Variants in HP1BP3 observed in about 807,000 individuals in gnomAD.
HP1BP3 encodes the protein heterochromatin protein 1 binding protein 3.
In HP1BP3, 12 loss-of-function variants were observed where a neutral mutation model predicts 62.5. The observed-to-expected ratio is 0.19, with a 90% CI of 0.12 to 0.31. The LOEUF is 0.31. Among genes scored for constraint, HP1BP3 ranks in the 10% least tolerant of loss-of-function variants. The pLI, the probability that HP1BP3 is intolerant of heterozygous loss-of-function variation, is 1.00. For missense variants in HP1BP3, 502 were observed against 651.8 expected (o/e 0.77, Z 2.50); for synonymous variants, 260 against 237.8 (o/e 1.09, Z -0.86).
rs1475162985 is a variant in HP1BP3 at position 20,767,583 on chromosome 1, CCTTT to C, written c.732_735del (p.Lys245IlefsTer12). ...CTCAAACTGTGGTATAGATGTCTTA[CCTTT>C]CTGTTTCTGGATTTCTGAGGTGTTT... On this transcript the variant is annotated frameshift_variant and splice_region_variant, in exon 7 of 13. Transcript: ENST00000438032. LOFTEE classifies it high-confidence loss of function. 1 of 1,598,146 alleles carries C rather than the reference CCTTT, an allele frequency of 6.3e-7. No homozygotes were observed. The highest frequency in any genetic ancestry group is 8.6e-7 in the Non-Finnish European group (1 of 1,168,192).
intron 10 of HP1BP3, among the ~76,000 whole-genome samples, chr1:20,747,923 C>T (rs2055443008): frequency 6.6e-6 from 1 of 152,086 alleles, no homozygotes; most frequent in African/African-American, 2.4e-5. Context: ...CACTATGTTG[C>T]CCAGGCTGGT....
chr1:20,771,072 G>A lies in HP1BP3; in HGVS notation c.512C>T (p.Ala171Val). ...MDAILTEAIK[A>V]CFQKSGASVV... ...TGATGCACCACTCTTCTGGAAGCAT[G>A]CCTAGAAAAGATTTATTAAACTAGT... The change falls in exon 6 of 13, where the codon GCA becomes GTA. Residue 171 changes from alanine (A) to valine (V), a missense_variant and splice_region_variant. Physicochemically the swap from Ala to Val is moderately conservative, Grantham distance 64. Around this residue, in one of 5 missense-constraint regions of HP1BP3, gnomAD observed 111 missense variants for 242.0 expected, o/e 0.46. Transcript: ENST00000438032. 6.3e-7 allele frequency: 1 copy of A among 1,592,146 alleles called. No homozygotes were observed. The highest frequency in any genetic ancestry group is 8.5e-7 in the Non-Finnish European group (1 of 1,172,466).
At chr1:20,782,680 T>C (rs2057617626) in intron 1 of HP1BP3, among the ~76,000 whole-genome samples, 1 of 151,050 alleles carries the variant, frequency 6.6e-6, no homozygotes, top group South Asian at 2.1e-4. Context: ...GGCGGATAGA[T>C]CACAAGGTCA....
At position 20,772,762 on chromosome 1, in the gene HP1BP3, A is replaced by C. The variant is rs186593577; in HGVS notation, c.510+689T>G. 5.9e-5 allele frequency among the ~76,000 whole-genome samples: 9 copies of C among 152,348 alleles called. No individual in the cohort carries two copies. The East Asian group carries it at 1.7e-3, about 29-fold the overall frequency. On this transcript the variant is annotated intron_variant, in intron 5 of 12. Transcript: ENST00000438032. ...CTCTTATCATCTGATCATATGAACT[A>C]AACAAGGCAAAATTAAATGAAAAGA... is the stretch of plus-strand genomic sequence containing the variant.
chr1:20,775,851 T>G, intron 4 of HP1BP3: 3 of 1,120,824 alleles, frequency 2.7e-6, no homozygotes, highest in Non-Finnish European at 3.7e-6. Flanking sequence ...TTTGTGTAAG[T>G]ACACTTTATG....
chr1:20,776,535 C>G (rs1026735745), intron 4 of HP1BP3, 62 bp downstream of exon 4: 15 of 1,415,332 alleles, frequency 1.1e-5, no homozygotes, highest in Middle Eastern at 2.2e-4. Flanking sequence ...TTAAAACAAT[C>G]TAATCTAAAG....
chr1:20,770,418 C>T (rs774209126), intron 6 of HP1BP3, among the ~76,000 whole-genome samples: 6 of 152,162 alleles, frequency 3.9e-5, no homozygotes, highest in African/African-American at 9.7e-5. Context: ...CAGGCTCAAG[C>T]GGTCCTCCTG....
In HP1BP3 at chr1:20,740,310, A is replaced by T. The variant is rs1256901305; in HGVS notation, c.*4487T>A. On this transcript the variant is annotated 3_prime_UTR_variant, in exon 13 of 13. Coordinates refer to ENST00000438032, the MANE Select transcript of HP1BP3 (RefSeq NM_001372052.1). ...GATTTAATAGTGAACAGTGTTAATT[A>T]TACATTATATACAATATCAGGAAAA... 6.6e-6 allele frequency among the ~76,000 whole-genome samples: 1 copy of T among 152,178 alleles called. No individual in the cohort carries two copies. The highest frequency in any genetic ancestry group is 1.5e-5 in the Non-Finnish European group (1 of 68,034).
intron 8 of HP1BP3, 38 bp downstream of exon 8, chr1:20,765,339 A>G (rs748457664): frequency 6.9e-7 from 1 of 1,441,506 alleles, no homozygotes; most frequent in Non-Finnish European, 9.4e-7. Context: ...AAAGGAAGTA[A>G]CACATCATGT....
chr1:20,767,369 T>G (rs1351291558), intron 7 of HP1BP3, among the ~76,000 whole-genome samples: 3 of 152,200 alleles, frequency 2.0e-5, no homozygotes, highest in Admixed American at 6.5e-5. Flanking sequence ...TATAAGGCAC[T>G]TAAGAGCACA....
In HP1BP3 at chr1:20,740,422, A is replaced by G. The variant is rs891165634; in HGVS notation, c.*4375T>C. Among the ~76,000 whole-genome samples, 3 of 152,204 alleles carry G rather than the reference A, an allele frequency of 2.0e-5. No individual in the cohort carries two copies. The highest frequency in any genetic ancestry group is 7.2e-5 in the African/African-American group (3 of 41,456). On this transcript the variant is annotated 3_prime_UTR_variant, in exon 13 of 13. Transcript: ENST00000438032. Reference sequence around the variant, plus strand: ...AGTGGTTGACAAGACAGAATTAAGAACAGTTAAAACAGTTAAAAAGCTGAT... The same window carrying G: ...AGTGGTTGACAAGACAGAATTAAGAGCAGTTAAAACAGTTAAAAAGCTGAT...
intron 4 of HP1BP3, 49 bp from the exon 5 acceptor site, chr1:20,773,659 C>A: frequency 3.1e-6 from 4 of 1,287,108 alleles, no homozygotes; most frequent in Non-Finnish European, 2.1e-6. Flanking sequence ...TCTAGAAAGA[C>A]GTATAAAGTC....
chr1:20,751,124 C>CAA (rs1381564469), intron 9 of HP1BP3, among the ~76,000 whole-genome samples: 1 of 151,962 alleles, frequency 6.6e-6, no homozygotes, highest in Non-Finnish European at 1.5e-5. Context: ...GCCATTATTT[C>CAA]CTCTTTCTTA....
chr1:20,747,828 T>C (rs1317107489), intron 10 of HP1BP3, among the ~76,000 whole-genome samples, 173 bp from the exon 11 acceptor site: 1 of 152,202 alleles, frequency 6.6e-6, no homozygotes, highest in Non-Finnish European at 1.5e-5. Flanking sequence ...TTATTGCCCA[T>C]AAGTTTGGCA....
chr1:20,768,735 G>C (rs541070386), intron 6 of HP1BP3, among the ~76,000 whole-genome samples: 1 of 152,238 alleles, frequency 6.6e-6, no homozygotes, highest in East Asian at 1.9e-4. Flanking sequence ...AGCTACTCAG[G>C]AGACTAAGGC....
At chr1:20,764,716 A>G (rs920149914) in intron 8 of HP1BP3, among the ~76,000 whole-genome samples, 7 of 151,464 alleles carry the variant, frequency 4.6e-5, no homozygotes, top group African/African-American at 1.4e-4. Context: ...AAACCACACA[A>G]AAAACAAAAC....
intron 2 of HP1BP3, 129 bp downstream of exon 2, chr1:20,780,216 G>T: frequency 1.5e-6 from 1 of 685,946 alleles, no homozygotes; most frequent in Non-Finnish European, 2.6e-6. Context: ...AAAAGAATCT[G>T]ATTTTGTTTC....
At position 20,742,510 on chromosome 1, in the gene HP1BP3, G is replaced by A. The variant is rs541629126; in HGVS notation, c.*2287C>T. ...AGCATTCAATGTATCTGGAAACATC[G>A]TTTACCCTCTATAAGAATTCCAAAA... On this transcript the variant is annotated 3_prime_UTR_variant, in exon 13 of 13. Coordinates refer to ENST00000438032, the MANE Select transcript of HP1BP3 (RefSeq NM_001372052.1). Among the ~76,000 whole-genome samples the A allele has an allele frequency of 2.0e-5, 3 of 152,062 alleles. No homozygotes were observed. Among genetic ancestry groups the A allele is most frequent in the Admixed American group, 2.0e-4 (3 of 15,264 alleles).
chr1:20,769,166 T>G (rs537997523), intron 6 of HP1BP3, among the ~76,000 whole-genome samples: 3 of 152,206 alleles, frequency 2.0e-5, no homozygotes, highest in Non-Finnish European at 4.4e-5. Context: ...CATAGCTCAT[T>G]GCTATGTTAG....
Sources: gnomAD v4.1 joint callset for allele counts (sites outside exome capture counted in the v4.1 genomes callset) on GRCh38, gnomAD v4.1.1 for gene constraint, gnomAD v4.1.1 regional missense constraint, MANE v1.5 for transcripts, NCBI Gene and HGNC (gene_info 2026-07-23, HGNC 2026-07-21) for gene names.